Variants in TMEM248 observed in about 807,000 individuals in gnomAD.
TMEM248 encodes the protein transmembrane protein 248.
In TMEM248, 9 loss-of-function variants were observed where a neutral mutation model predicts 30.3. The ratio of observed to expected loss-of-function variants is 0.30; its 90% confidence interval spans 0.18 to 0.52. TMEM248 has a LOEUF of 0.52. TMEM248 is among the 20% of genes least tolerant of loss of function. The pLI is 0.97. For synonymous variants in TMEM248, 184 were observed against 154.4 expected, an observed-to-expected ratio of 1.19 and a Z score of -1.42; for missense variants, 338 against 403.3, an observed-to-expected ratio of 0.84 and a Z score of 1.39.
At chr7:66,927,129 A>T (rs1334949198) in intron 1 of TMEM248, among the ~76,000 whole-genome samples, 1 of 152,240 alleles carries the variant, frequency 6.6e-6, no homozygotes, top group Non-Finnish European at 1.5e-5. Context: ...CAATTATTTA[A>T]AAAACTAAAG....
At chr7:66,946,480 T>C (rs1792110484) in intron 3 of TMEM248, among the ~76,000 whole-genome samples, 1 of 151,604 alleles carries the variant, frequency 6.6e-6, no homozygotes, top group Non-Finnish European at 1.5e-5. Context: ...CTCTGGAGGC[T>C]GAGGTGGGAG....
At chr7:66,948,811 T>C in intron 4 of TMEM248, 117 bp downstream of exon 4, 1 of 1,119,988 alleles carries the variant, frequency 8.9e-7, no homozygotes, top group Non-Finnish European at 1.3e-6. Flanking sequence ...CTTTATAGAA[T>C]TATCTCTACT....
chr7:66,946,340 G>T (rs1210930424), intron 3 of TMEM248, among the ~76,000 whole-genome samples: 1 of 152,144 alleles, frequency 6.6e-6, no homozygotes, highest in African/African-American at 2.4e-5. Context: ...CACTTTGGGA[G>T]GCCGAGGTGG....
chr7:66,939,742 A>G (rs1448360780), intron 1 of TMEM248, among the ~76,000 whole-genome samples: 2 of 152,150 alleles, frequency 1.3e-5, no homozygotes, highest in Admixed American at 6.6e-5. Flanking sequence ...GCTAAACAAT[A>G]TAAAGGAAAT....
At chr7:66,954,630 C>CA (rs1345492336) in intron 6 of TMEM248, among the ~76,000 whole-genome samples, 1 of 152,046 alleles carries the variant, frequency 6.6e-6, no homozygotes, top group Admixed American at 6.6e-5. Context: ...TTCCTGGGCT[C>CA]AAGCAATCCA....
At chr7:66,947,357 G>C (rs1459103931) in intron 3 of TMEM248, among the ~76,000 whole-genome samples, 1 of 152,054 alleles carries the variant, frequency 6.6e-6, no homozygotes, top group African/African-American at 2.4e-5. Context: ...TTTCCATGTA[G>C]CAAGTGGACC....
At chr7:66,942,059 G>T (rs751905294) in intron 2 of TMEM248, 35 bp downstream of exon 2, 1 of 1,601,402 alleles carries the variant, frequency 6.2e-7, no homozygotes, top group East Asian at 2.2e-5. Context: ...GGGCTGGCTG[G>T]TCCTTGTGCA....
chr7:66,923,889 C>T (rs1791454120), intron 1 of TMEM248, among the ~76,000 whole-genome samples: 1 of 152,154 alleles, frequency 6.6e-6, no homozygotes, highest in Non-Finnish European at 1.5e-5. Context: ...TGGTCTCAAA[C>T]CCTTGACGTC....
At chr7:66,927,853 T>C (rs139336659) in intron 1 of TMEM248, among the ~76,000 whole-genome samples, 117 of 152,298 alleles carry the variant, frequency 7.7e-4, no homozygotes, top group African/African-American at 2.7e-3. Context: ...GGCAGAAGAC[T>C]GTGCCAGTCT....
At chr7:66,952,270 C>T (rs768057231) in intron 5 of TMEM248, among the ~76,000 whole-genome samples, 9 of 152,066 alleles carry the variant, frequency 5.9e-5, no homozygotes, top group East Asian at 1.9e-4. Context: ...GATAAGGTTT[C>T]GACATGTTGG....
At chr7:66,948,764 T>C (rs1472363296) in intron 4 of TMEM248, 70 bp downstream of exon 4, 4 of 1,527,464 alleles carry the variant, frequency 2.6e-6, no homozygotes, top group Admixed American at 3.8e-5. Flanking sequence ...CTGGGCTGCT[T>C]CAGCTGTAAA....
chr7:66,926,249 A>C (rs1010776342), intron 1 of TMEM248, among the ~76,000 whole-genome samples: 1 of 152,174 alleles, frequency 6.6e-6, no homozygotes, highest in African/African-American at 2.4e-5. Context: ...TGCAAACCAT[A>C]CGTCTGAAAA....
intron 2 of TMEM248, among the ~76,000 whole-genome samples, chr7:66,942,884 G>T: frequency 6.6e-6 from 1 of 150,678 alleles, no homozygotes; most frequent in South Asian, 2.1e-4. Flanking sequence ...AGGTGGGGGT[G>T]GGAGTGGGGC....
chr7:66,922,425 C>T (rs1791410231), intron 1 of TMEM248, among the ~76,000 whole-genome samples: 1 of 152,090 alleles, frequency 6.6e-6, no homozygotes, highest in Non-Finnish European at 1.5e-5. Flanking sequence ...CCATCTACTT[C>T]CTCTTTTCAT....
At chr7:66,931,283 G>A (rs1486305017) in intron 1 of TMEM248, among the ~76,000 whole-genome samples, 3 of 134,972 alleles carry the variant, frequency 2.2e-5, no homozygotes, top group Admixed American at 8.0e-5. Context: ...GGGTGACAGT[G>A]CGAGACAATA....
intron 2 of TMEM248, among the ~76,000 whole-genome samples, chr7:66,944,530 A>G (rs541831129): frequency 3.9e-5 from 6 of 152,352 alleles, no homozygotes; most frequent in African/African-American, 1.4e-4. Flanking sequence ...AGCAAGGTGT[A>G]TGGAATTGAC....
intron 6 of TMEM248, among the ~76,000 whole-genome samples, chr7:66,953,873 T>A (rs1792332920): frequency 6.6e-6 from 1 of 151,450 alleles, no homozygotes; most frequent in African/African-American, 2.4e-5. Context: ...CCCAAAGTGC[T>A]GGAATTACAG....
chr7:66,933,130 G>A (rs1271037590), intron 1 of TMEM248, among the ~76,000 whole-genome samples: 2 of 152,196 alleles, frequency 1.3e-5, no homozygotes, highest in Non-Finnish European at 2.9e-5. Context: ...AAAGTGCTGG[G>A]ATTACAGGCG....
intron 3 of TMEM248, among the ~76,000 whole-genome samples, chr7:66,946,809 GGA>G (rs1792120635): frequency 6.6e-6 from 1 of 152,218 alleles, no homozygotes; most frequent in Non-Finnish European, 1.5e-5. Context: ...AAGTGTTGCA[GGA>G]GAAGGGCTAG....
Sources: allele counts gnomAD v4.1 joint callset (sites outside exome capture counted in the v4.1 genomes callset), GRCh38; gene constraint gnomAD v4.1.1; transcripts MANE v1.5; gene names NCBI Gene and HGNC (gene_info 2026-07-23, HGNC 2026-07-21).